INSYN2B: variants seen among roughly 807,000 people sequenced by gnomAD.
INSYN2B encodes protein INSYN2B.
A neutral mutation model predicts 41.2 loss-of-function variants in INSYN2B; 16 were observed. The observed-to-expected ratio is 0.39, with a 90% CI of 0.26 to 0.59. INSYN2B has a LOEUF of 0.59. INSYN2B is among the 20% of genes least tolerant of loss of function. The pLI, the probability that INSYN2B is intolerant of heterozygous loss-of-function variation, is 0.57. For synonymous variants in INSYN2B, 245 were observed against 244.4 expected, an observed-to-expected ratio of 1.00 and a Z score of -0.02; for missense variants, 608 against 646.4, an observed-to-expected ratio of 0.94 and a Z score of 0.64.
intron 1 of INSYN2B, among the ~76,000 whole-genome samples, chr5:169,897,342 A>G (rs1003470956): frequency 6.6e-6 from 1 of 151,716 alleles, no homozygotes; most frequent in Non-Finnish European, 1.5e-5. Flanking sequence ...ACACCACCAC[A>G]CCCAGCTAAC....
chr5:169,934,910 C>T, intron 1 of INSYN2B: 2 of 336,602 alleles, frequency 5.9e-6, no homozygotes, highest in Non-Finnish European at 1.2e-5. Context: ...TCTGATTAAA[C>T]AACAATGACC....
chr5:169,938,626 G>C (rs1384343395), intron 1 of INSYN2B, among the ~76,000 whole-genome samples: 2 of 152,230 alleles, frequency 1.3e-5, no homozygotes, highest in Non-Finnish European at 2.9e-5. Context: ...GAATCAGTGA[G>C]TAAGTGGTGA....
chr5:169,876,396 A>C (rs1431239815), intron 3 of INSYN2B, among the ~76,000 whole-genome samples: 1 of 152,190 alleles, frequency 6.6e-6, no homozygotes, highest in East Asian at 1.9e-4. Context: ...TGATGTTCTA[A>C]CTCATTCTCC....
At chr5:169,878,667 C>A (rs1772465038) in intron 3 of INSYN2B, among the ~76,000 whole-genome samples, 1 of 152,196 alleles carries the variant, frequency 6.6e-6, no homozygotes. Context: ...GAACAACTTT[C>A]TTACTAAGTA....
intron 1 of INSYN2B, among the ~76,000 whole-genome samples, chr5:169,926,243 T>C (rs1388528165): frequency 2.6e-5 from 4 of 152,238 alleles, no homozygotes; most frequent in Non-Finnish European, 5.9e-5. Context: ...GCCACTCACC[T>C]GATTGTCTCT....
intron 1 of INSYN2B, among the ~76,000 whole-genome samples, chr5:169,962,724 A>C (rs1777142797): frequency 6.6e-6 from 1 of 152,174 alleles, no homozygotes. Context: ...TAACTCTTAG[A>C]GAGAAAGAGA....
chr5:169,871,268 A>G (rs1771952236), intron 3 of INSYN2B, among the ~76,000 whole-genome samples: 1 of 152,312 alleles, frequency 6.6e-6, no homozygotes, highest in Non-Finnish European at 1.5e-5. Flanking sequence ...AGAAGGACCA[A>G]ATGTTTTAGC....
chr5:169,891,932 G>A (rs1773308685), intron 1 of INSYN2B, among the ~76,000 whole-genome samples: 1 of 149,930 alleles, frequency 6.7e-6, no homozygotes, highest in Non-Finnish European at 1.5e-5. Flanking sequence ...GGAGGCGGAG[G>A]TTGCAGTGAG....
At chr5:169,926,123 T>C (rs538968870) in intron 1 of INSYN2B, among the ~76,000 whole-genome samples, 1 of 152,218 alleles carries the variant, frequency 6.6e-6, no homozygotes, top group East Asian at 1.9e-4. Context: ...AAAACATAGA[T>C]CTGGGAAGCC....
intron 1 of INSYN2B, among the ~76,000 whole-genome samples, chr5:169,907,503 G>A (rs1774349828): frequency 6.6e-6 from 1 of 152,186 alleles, no homozygotes; most frequent in Non-Finnish European, 1.5e-5. Flanking sequence ...AGTAGTTAAT[G>A]ATAATGGTAA....
At chr5:169,978,565 A>G (rs1463565237) in intron 1 of INSYN2B, among the ~76,000 whole-genome samples, 1 of 152,118 alleles carries the variant, frequency 6.6e-6, no homozygotes, top group Non-Finnish European at 1.5e-5. Flanking sequence ...CCTGATCACA[A>G]TCACCTAGTA....
intron 1 of INSYN2B, among the ~76,000 whole-genome samples, chr5:169,947,452 C>A (rs535142831): frequency 6.6e-6 from 1 of 152,284 alleles, no homozygotes; most frequent in Non-Finnish European, 1.5e-5. Context: ...TTCATTAGCC[C>A]TGTTTTACAG....
chr5:169,929,975 ATTTG>A lies in INSYN2B; in HGVS notation c.-918-45163_-918-45160del, dbSNP rs1326362747. ...TAATGTGACTGAAGAATAGAACTTT[ATTTG>A]TTTATTTATTTATTTATTTTGTTTA... On this transcript the variant is annotated intron_variant, in intron 1 of 3. Coordinates refer to ENST00000377365, the MANE Select transcript of INSYN2B (RefSeq NM_001129891.3). 1.9e-3 allele frequency among the ~76,000 whole-genome samples: 294 copies of A among 152,054 alleles called. 2 individuals carry two copies. Among genetic ancestry groups the A allele is most frequent in the African/African-American group, 6.9e-3 (285 of 41,476 alleles).
At chr5:169,968,742 A>T (rs773447133) in intron 1 of INSYN2B, among the ~76,000 whole-genome samples, 1 of 152,298 alleles carries the variant, frequency 6.6e-6, no homozygotes. Flanking sequence ...AGCTCACTTG[A>T]TGCTGTGTTA....
At position 169,890,717 on chromosome 5, in the gene INSYN2B, T is replaced by A. The variant is rs533966481; in HGVS notation, c.-918-5901A>T. Among the ~76,000 whole-genome samples the A allele has an allele frequency of 1.2e-4, 19 of 152,280 alleles. No homozygotes were observed. The South Asian group carries it at 3.7e-3, about 30-fold the overall frequency. The stretch of plus-strand genomic sequence containing the variant: ...TGAGGTTAAGATCCAGACTTATATA[T>A]TTGGGACCCTGAAAGATGTTGGATA... On this transcript the variant is annotated intron_variant, in intron 1 of 3. Transcript: ENST00000377365.
intron 1 of INSYN2B, among the ~76,000 whole-genome samples, chr5:169,905,897 C>T (rs1258060856): frequency 6.6e-6 from 1 of 152,210 alleles, no homozygotes; most frequent in Admixed American, 6.5e-5. Context: ...CACAGTCAAG[C>T]TGATTTCCTA....
intron 1 of INSYN2B, among the ~76,000 whole-genome samples, chr5:169,941,610 A>G (rs1184201000): frequency 6.6e-6 from 1 of 152,216 alleles, no homozygotes; most frequent in Non-Finnish European, 1.5e-5. Flanking sequence ...TGGCCATCTT[A>G]AGGAATCTGG....
chr5:169,912,570 C>A (rs1774658268), intron 1 of INSYN2B, among the ~76,000 whole-genome samples: 1 of 152,048 alleles, frequency 6.6e-6, no homozygotes. Context: ...CACTTAAAAC[C>A]ATTACGTTGT....
intron 1 of INSYN2B, among the ~76,000 whole-genome samples, chr5:169,924,955 TC>T (rs1455732167): frequency 1.3e-5 from 2 of 152,216 alleles, no homozygotes; most frequent in African/African-American, 4.8e-5. Context: ...CTCCCAGTCT[TC>T]CTGGGGATGT....
Sources: allele counts gnomAD v4.1 joint callset (sites outside exome capture counted in the v4.1 genomes callset), GRCh38; gene constraint gnomAD v4.1.1; transcripts MANE v1.5; gene names NCBI Gene and HGNC (gene_info 2026-07-23, HGNC 2026-07-21).